The following PDE1C variants were observed in gnomAD, a reference collection of about 807,000 sequenced individuals.
PDE1C encodes the protein phosphodiesterase 1C.
In PDE1C, 62 loss-of-function variants were observed where a neutral mutation model predicts 93.1. The ratio of observed to expected loss-of-function variants is 0.67; its 90% CI spans 0.54 to 0.82. The LOEUF is 0.82. PDE1C is among the 40% of genes least tolerant of loss of function. The pLI is 0.00. For missense variants in PDE1C, 742 were observed against 884.6 expected (o/e 0.84, Z 2.04); for synonymous variants, 325 against 310.1 (o/e 1.05, Z -0.50).
chr7:32,004,098 G>A (rs938995825), intron 2 of PDE1C, among the ~76,000 whole-genome samples: 2 of 152,058 alleles, frequency 1.3e-5, no homozygotes, highest in Non-Finnish European at 2.9e-5. Context: ...AGCCAAGACA[G>A]GTAATGAGGA....
At chr7:31,903,228 A>G (rs1800197597) in intron 2 of PDE1C, among the ~76,000 whole-genome samples, 1 of 151,978 alleles carries the variant, frequency 6.6e-6, no homozygotes, top group Non-Finnish European at 1.5e-5. Flanking sequence ...AATTTTGCAA[A>G]TGGGAGTCAT....
At chr7:32,321,161 T>A (rs1393572729) in intron 1 of PDE1C, among the ~76,000 whole-genome samples, 3 of 152,176 alleles carry the variant, frequency 2.0e-5, no homozygotes, top group Non-Finnish European at 4.4e-5. Context: ...CCAACCTCAA[T>A]AACTATGCAG....
exon 1 of PDE1C, chr7:32,299,015 A>C: frequency 8.1e-7 from 1 of 1,229,140 alleles, no homozygotes; most frequent in Non-Finnish European, 1.0e-6. Context: ...AGTGTCAGGA[A>C]GGGAGGACGC....
intron 11 of PDE1C, among the ~76,000 whole-genome samples, chr7:31,831,225 T>A (rs370184947): frequency 1.3e-5 from 2 of 152,300 alleles, no homozygotes; most frequent in East Asian, 3.9e-4. Context: ...AAAGGCATTG[T>A]GATGTTGGAT....
intron 17 of PDE1C, among the ~76,000 whole-genome samples, chr7:31,770,354 C>T (rs28785787): frequency 0.057 from 8,688 of 152,122 alleles, 582 homozygotes; most frequent in East Asian, 0.19. Context: ...TGTCTTTCCA[C>T]GTTCTTGATA....
chr7:31,712,428 A>C, the PDE1C span, among the ~76,000 whole-genome samples: 1 of 152,238 alleles, frequency 6.6e-6, no homozygotes, highest in Non-Finnish European at 1.5e-5. Flanking sequence ...CCGAACACAA[A>C]TGTCAGCCAC....
the PDE1C span, among the ~76,000 whole-genome samples, chr7:31,635,131 CTGTT>C: frequency 3.9e-5 from 6 of 152,124 alleles, no homozygotes; most frequent in South Asian, 2.1e-4. Flanking sequence ...TTGTATTTGT[CTGTT>C]TGTTTAATAA....
At chr7:31,920,905 T>C (rs1299487350) in intron 2 of PDE1C, among the ~76,000 whole-genome samples, 1 of 152,200 alleles carries the variant, frequency 6.6e-6, no homozygotes, top group African/African-American at 2.4e-5. Context: ...GTTTAACCCT[T>C]CTAATATGCC....
In PDE1C at chr7:32,108,326, T is replaced by G. The variant is rs891486853; in HGVS notation, c.308+61459A>C. Among the ~76,000 whole-genome samples, 45 of 129,640 alleles carry G rather than the reference T, an allele frequency of 3.5e-4. 1 individual carries two copies. Among genetic ancestry groups the G allele is most frequent in the Non-Finnish European group, 2.5e-4 (15 of 60,482 alleles). 85.0% of individuals were successfully genotyped at this position (129,640 alleles called of 152,430 possible). On this transcript the variant is annotated intron_variant, in intron 3 of 18. Coordinates refer to the PDE1C transcript ENST00000396193. ...ATTTACCTTCATTGAGAGAAGGGAA[T>G]AAAAAAGAAGTCTTAGAAATTAAGA...
intron 1 of PDE1C, among the ~76,000 whole-genome samples, chr7:32,055,126 C>T (rs1409508774): frequency 1.3e-5 from 2 of 152,212 alleles, no homozygotes; most frequent in Non-Finnish European, 2.9e-5. Flanking sequence ...GTCATGGCAA[C>T]TGCTCAATAT....
chr7:31,830,344 T>G (rs999347929), intron 11 of PDE1C, among the ~76,000 whole-genome samples: 19 of 152,258 alleles, frequency 1.2e-4, no homozygotes, highest in African/African-American at 4.3e-4. Flanking sequence ...GGTCAACATT[T>G]TCAAAAGAGG....
chr7:31,831,492 ATG>A (rs1235392030), intron 11 of PDE1C, among the ~76,000 whole-genome samples: 10 of 74,722 alleles, frequency 1.3e-4, no homozygotes, highest in South Asian at 5.2e-4. Flanking sequence ...ACACACACAC[ATG>A]CACGCACACA....
intron 2 of PDE1C, among the ~76,000 whole-genome samples, chr7:32,171,580 T>C (rs1241864450): frequency 6.7e-6 from 1 of 150,348 alleles, no homozygotes; most frequent in East Asian, 1.9e-4. Flanking sequence ...ATTAAAATTG[T>C]TATTGAAATT....
chr7:31,847,547 G>C (rs1422515167), intron 9 of PDE1C, among the ~76,000 whole-genome samples: 1 of 151,576 alleles, frequency 6.6e-6, no homozygotes, highest in Non-Finnish European at 1.5e-5. Flanking sequence ...GTTTCCTAAG[G>C]TTAAAAAAAA....
At chr7:31,694,098 C>A in the PDE1C span, among the ~76,000 whole-genome samples, 1 of 151,984 alleles carries the variant, frequency 6.6e-6, no homozygotes, top group Non-Finnish European at 1.5e-5. Flanking sequence ...AGATAAGGCA[C>A]CTGTCAGTAA....
chr7:31,760,757 TGTAC>T (rs1794779688), intron 17 of PDE1C, among the ~76,000 whole-genome samples: 1 of 72,472 alleles, frequency 1.4e-5, no homozygotes, highest in African/African-American at 4.7e-5. Context: ...ATCTGCAATG[TGTAC>T]ACACACACAC....
chr7:31,771,166 A>G (rs1297557402), intron 17 of PDE1C, among the ~76,000 whole-genome samples: 4 of 152,192 alleles, frequency 2.6e-5, no homozygotes. Flanking sequence ...AACTTCTTCT[A>G]GAAGAAATTC....
At chr7:31,939,399 G>A (rs547186520) in intron 2 of PDE1C, among the ~76,000 whole-genome samples, 27 of 152,176 alleles carry the variant, frequency 1.8e-4, no homozygotes, top group African/African-American at 6.5e-4. Flanking sequence ...AGGAACACAC[G>A]AGTTTAAGAT....
chr7:31,960,912 A>G (rs1808845869), intron 2 of PDE1C, among the ~76,000 whole-genome samples: 1 of 152,016 alleles, frequency 6.6e-6, no homozygotes, highest in African/African-American at 2.4e-5. Flanking sequence ...TGCAGTTTCT[A>G]CTCTCCTGAG....
Sources: gnomAD v4.1 joint callset for allele counts (sites outside exome capture counted in the v4.1 genomes callset) on GRCh38, gnomAD v4.1.1 for gene constraint, MANE v1.5 for transcripts, NCBI Gene and HGNC (gene_info 2026-07-23, HGNC 2026-07-21) for gene names.